The following MACROD2 variants were observed in gnomAD, a reference collection of about 807,000 sequenced individuals.
The protein encoded by MACROD2 is ADP-ribose glycohydrolase MACROD2.
In MACROD2, 36 loss-of-function variants were observed where a neutral mutation model predicts 70.4. The ratio of observed to expected loss-of-function variants is 0.51; its 90% CI spans 0.39 to 0.68. MACROD2 has a LOEUF of 0.68. Among genes scored for constraint, MACROD2 ranks in the 30% least tolerant of loss-of-function variants. MACROD2 has a pLI of 0.00. For synonymous variants in MACROD2, 172 were observed against 178.8 expected (o/e 0.96, Z 0.30); for missense variants, 496 against 538.4 (o/e 0.92, Z 0.78).
At chr20:15,524,643 T>C (rs947537839) in intron 8 of MACROD2, among the ~76,000 whole-genome samples, 3 of 152,138 alleles carry the variant, frequency 2.0e-5, no homozygotes, top group Non-Finnish European at 2.9e-5. Flanking sequence ...CTATCACCTA[T>C]AGGAAATCCC....
intron 6 of MACROD2, among the ~76,000 whole-genome samples, chr20:15,379,240 A>G (rs1337477401): frequency 1.3e-5 from 2 of 152,192 alleles, no homozygotes; most frequent in East Asian, 1.9e-4. Flanking sequence ...AGTGGATAGC[A>G]TCTTCTCATG....
At chr20:15,976,051 A>G (rs1422801330) in intron 13 of MACROD2, among the ~76,000 whole-genome samples, 2 of 152,244 alleles carry the variant, frequency 1.3e-5, no homozygotes, top group Admixed American at 6.5e-5. Context: ...ACAAGCATCA[A>G]AGAAACAGTC....
At chr20:14,259,390 T>C (rs1261334193) in intron 3 of MACROD2, among the ~76,000 whole-genome samples, 1 of 152,244 alleles carries the variant, frequency 6.6e-6, no homozygotes, top group Non-Finnish European at 1.5e-5. Flanking sequence ...ATACTCTTTC[T>C]GTGTCAATTA....
At chr20:14,490,009 C>G (rs2084777336) in intron 3 of MACROD2, among the ~76,000 whole-genome samples, 1 of 152,016 alleles carries the variant, frequency 6.6e-6, no homozygotes, top group South Asian at 2.1e-4. Context: ...CATAAGTTAC[C>G]TCTCCCAGCA....
chr20:15,964,217 A>G (rs1322531682), intron 12 of MACROD2, among the ~76,000 whole-genome samples: 1 of 152,196 alleles, frequency 6.6e-6, no homozygotes, highest in Non-Finnish European at 1.5e-5. Flanking sequence ...TAGTGACCAT[A>G]TACACTGGTG....
intron 6 of MACROD2, among the ~76,000 whole-genome samples, chr20:15,412,988 A>G (rs987457613): frequency 5.9e-5 from 9 of 152,368 alleles, no homozygotes; most frequent in African/African-American, 2.2e-4. Flanking sequence ...ATAAGTAACT[A>G]GAAAATACTG....
chr20:16,046,345 T>A (rs2067381126), intron 17 of MACROD2, among the ~76,000 whole-genome samples: 1 of 148,324 alleles, frequency 6.7e-6, no homozygotes, highest in African/African-American at 2.5e-5. Context: ...TTTTTTTTTT[T>A]ACTTTCTTTA....
chr20:15,812,948 T>A (rs190939394), intron 8 of MACROD2, among the ~76,000 whole-genome samples: 1 of 152,304 alleles, frequency 6.6e-6, no homozygotes, highest in Non-Finnish European at 1.5e-5. Context: ...ATCATAGTGA[T>A]GTTTGATATG....
intron 5 of MACROD2, among the ~76,000 whole-genome samples, chr20:14,967,929 G>A (rs6043033): frequency 0.022 from 3,352 of 152,130 alleles, 136 homozygotes; most frequent in African/African-American, 0.075. Flanking sequence ...GATACATGCA[G>A]GCTGTTGTCC....
At position 15,151,524 on chromosome 20, in the gene MACROD2, G is replaced by A. The variant is rs1466970131; in HGVS notation, c.419-78416G>A. 2.0e-5 allele frequency among the ~76,000 whole-genome samples: 3 copies of A among 152,020 alleles called. 1 individual carries two copies. Among genetic ancestry groups the A allele is most frequent in the Admixed American group, 2.0e-4 (3 of 15,270 alleles). ...TTTGAGGGCCGGAATTTAATTTTTGGAGTTTTATTTAATGTCGGGAGCAGA... is the reference window on the plus strand; with the variant it reads ...TTTGAGGGCCGGAATTTAATTTTTGAAGTTTTATTTAATGTCGGGAGCAGA... On this transcript the variant is annotated intron_variant, in intron 5 of 17. Transcript: ENST00000684519.
chr20:15,197,288 A>C (rs944352912), intron 5 of MACROD2, among the ~76,000 whole-genome samples: 1 of 152,148 alleles, frequency 6.6e-6, no homozygotes, highest in Non-Finnish European at 1.5e-5. Context: ...TTACACAAAA[A>C]GAGAATACTA....
intron 4 of MACROD2, among the ~76,000 whole-genome samples, chr20:14,636,264 C>T (rs1388916667): frequency 6.6e-6 from 1 of 151,898 alleles, no homozygotes; most frequent in Non-Finnish European, 1.5e-5. Flanking sequence ...CAATGTCACG[C>T]CCAAATATTT....
At chr20:15,903,822 A>G (rs565736684) in intron 10 of MACROD2, among the ~76,000 whole-genome samples, 1 of 152,302 alleles carries the variant, frequency 6.6e-6, no homozygotes, top group African/African-American at 2.4e-5. Flanking sequence ...AAGAAACAGG[A>G]AAGAGTTTAT....
intron 8 of MACROD2, among the ~76,000 whole-genome samples, chr20:15,726,068 C>T (rs143545012): frequency 2.2e-4 from 34 of 152,058 alleles, no homozygotes; most frequent in Admixed American, 9.8e-4. Context: ...TTTTTTGAAT[C>T]GCTCTCTTCT....
chr20:14,854,913 G>A (rs1412206468), intron 5 of MACROD2, among the ~76,000 whole-genome samples: 1 of 152,116 alleles, frequency 6.6e-6, no homozygotes, highest in Non-Finnish European at 1.5e-5. Context: ...CTACTCGGGA[G>A]GCTGAGGCAG....
chr20:14,293,337 A>G (rs2082401221), intron 3 of MACROD2, among the ~76,000 whole-genome samples: 3 of 151,840 alleles, frequency 2.0e-5, no homozygotes, highest in Non-Finnish European at 2.9e-5. Flanking sequence ...AGATAAAGAT[A>G]AGTGCTTTGA....
intron 4 of MACROD2, chr20:14,547,274 T>C (rs1311478451): frequency 6.6e-6 from 3 of 455,578 alleles, no homozygotes; most frequent in Non-Finnish European, 9.9e-6. Flanking sequence ...CAGTTATCTA[T>C]ATAATCCTCA....
intron 6 of MACROD2, among the ~76,000 whole-genome samples, chr20:15,299,638 A>G (rs2077623472): frequency 6.6e-6 from 1 of 152,220 alleles, no homozygotes. Flanking sequence ...CATCTGCATT[A>G]TCACCCATGC....
At chr20:15,884,780 G>T (rs1019472182) in intron 9 of MACROD2, among the ~76,000 whole-genome samples, 1 of 152,046 alleles carries the variant, frequency 6.6e-6, no homozygotes, top group Non-Finnish European at 1.5e-5. Flanking sequence ...AGACTCAGTG[G>T]CTTACAAACA....
Sources: gnomAD v4.1 joint callset for allele counts (sites outside exome capture counted in the v4.1 genomes callset) on GRCh38, gnomAD v4.1.1 for gene constraint, MANE v1.5 for transcripts, NCBI Gene and HGNC (gene_info 2026-07-23, HGNC 2026-07-21) for gene names.